The following EPB41L1 variants were observed in gnomAD, a reference collection of about 807,000 sequenced individuals.
The protein encoded by EPB41L1 is erythrocyte membrane protein band 4.1 like 1, also known as band 4.1-like protein 1.
Under a neutral mutation model 97.8 loss-of-function variants are expected in EPB41L1, and 29 were observed. That is an observed-to-expected ratio of 0.30 (90% CI 0.22 to 0.40). EPB41L1 has a LOEUF of 0.40. Among genes scored for constraint, EPB41L1 ranks in the 10% least tolerant of loss-of-function variants. The probability of loss-of-function intolerance (pLI) is 1.00; values close to 1 mark genes in which losing one functional copy is unlikely to be tolerated. For synonymous variants in EPB41L1, 383 were observed against 459.2 expected (o/e 0.83, Z 2.12); for missense variants, 812 against 1,162.3 (o/e 0.70, Z 4.38).
chr20:36,212,532 C>G lies in EPB41L1; in HGVS notation c.2184+156C>G, dbSNP rs1353635732. Among the ~76,000 whole-genome samples, 1 of 152,212 alleles carries G rather than the reference C, an allele frequency of 6.6e-6. No homozygotes were observed. Among genetic ancestry groups the G allele is most frequent in the East Asian group, 1.9e-4 (1 of 5,198 alleles). ...TGATGCTCTCCTGTGCCTCAGTGTC[C>G]TCTCTGAGCTCTGGGGAGGGGCAAC... On this transcript the variant is annotated intron_variant, in intron 16 of 21. Coordinates refer to ENST00000338074, the MANE Select transcript of EPB41L1 (RefSeq NM_012156.2). This position sits in a 1 kb window ranked among gnomAD's most constrained non-coding sequence, Gnocchi z 4.8.
At chr20:36,140,301 C>T (rs973035797) in intron 2 of EPB41L1, among the ~76,000 whole-genome samples, 3 of 150,500 alleles carry the variant, frequency 2.0e-5, no homozygotes, top group African/African-American at 4.9e-5. Flanking sequence ...GAACTCCTGG[C>T]CTCAAGTGAT....
intron 2 of EPB41L1, among the ~76,000 whole-genome samples, chr20:36,116,963 A>G (rs919075890): frequency 1.3e-5 from 2 of 152,138 alleles, no homozygotes; most frequent in African/African-American, 2.4e-5. Context: ...GGGTTTTATT[A>G]CCCCATTTTG....
At chr20:36,191,903 T>A (rs746618158) in intron 11 of EPB41L1, among the ~76,000 whole-genome samples, 2 of 152,202 alleles carry the variant, frequency 1.3e-5, no homozygotes, top group African/African-American at 4.8e-5. Flanking sequence ...ATCATTATTG[T>A]TTTTAGGTTT....
At chr20:36,223,367 C>G (rs1569381753) in intron 21 of EPB41L1, among the ~76,000 whole-genome samples, 1 of 152,138 alleles carries the variant, frequency 6.6e-6, no homozygotes, top group Non-Finnish European at 1.5e-5. Flanking sequence ...CCTGCAGGAG[C>G]CAAAATCTTA....
intron 1 of EPB41L1, among the ~76,000 whole-genome samples, chr20:36,096,077 A>G (rs1418036056): frequency 6.6e-6 from 1 of 152,048 alleles, no homozygotes; most frequent in Non-Finnish European, 1.5e-5. Context: ...CGCCAGACCT[A>G]GGAATTGATA....
intron 1 of EPB41L1, among the ~76,000 whole-genome samples, chr20:36,156,389 A>G (rs1169888264): frequency 6.6e-6 from 1 of 152,208 alleles, no homozygotes; most frequent in Non-Finnish European, 1.5e-5. Flanking sequence ...AGCTTCTTCC[A>G]TAGAATCCTG....
At chr20:36,201,363 G>A (rs1244178573) in intron 14 of EPB41L1, among the ~76,000 whole-genome samples, 1 of 152,040 alleles carries the variant, frequency 6.6e-6, no homozygotes, top group Non-Finnish European at 1.5e-5. Context: ...CATGCTAGAG[G>A]CAGGCTCTGA....
Position 36,194,260 on chromosome 20 carries a change from CTGACGG to C in EPB41L1, c.1354_1359del (p.Gly452_Asp453del). 1 of 1,614,202 alleles carries C rather than the reference CTGACGG, an allele frequency of 6.2e-7. No homozygotes were observed. Among genetic ancestry groups the C allele is most frequent in the Non-Finnish European group, 8.5e-7 (1 of 1,180,048 alleles). Reference sequence around the variant, plus strand: ...GTCAGCGAGAACCATGATGCAGGGCCTGACGGTGACAAGCGGGATGAGGATGGCGAG... The same window carrying C: ...GTCAGCGAGAACCATGATGCAGGGCCTGACAAGCGGGATGAGGATGGCGAG... On this transcript the variant is annotated inframe_deletion, in exon 12 of 22. Transcript: ENST00000338074.
chr20:36,179,966 A>C (rs187498117), intron 5 of EPB41L1, among the ~76,000 whole-genome samples: 11 of 152,202 alleles, frequency 7.2e-5, no homozygotes, highest in Admixed American at 2.6e-4. Context: ...ATCGGAAAAC[A>C]TATAGGCAGC....
chr20:36,190,493 T>C lies in EPB41L1; in HGVS notation c.1124+119T>C, dbSNP rs1286571086. ...GTCCTCCACCCTTTCCCCAAGTCCCTCCCTTCCTGGACCACTTTGAATTGT... is the reference window on the plus strand; with the variant it reads ...GTCCTCCACCCTTTCCCCAAGTCCCCCCCTTCCTGGACCACTTTGAATTGT... On this transcript the variant is annotated intron_variant, in intron 10 of 21. Coordinates refer to ENST00000338074, the MANE Select transcript of EPB41L1 (RefSeq NM_012156.2). This position sits in a 1 kb window ranked among gnomAD's most constrained non-coding sequence, Gnocchi z 5.8. The C allele has an allele frequency of 6.5e-7, 1 of 1,532,126 alleles. No individual in the cohort carries two copies. Among genetic ancestry groups the C allele is most frequent in the Non-Finnish European group, 8.9e-7 (1 of 1,117,518 alleles). The allele number at this position is 1,532,126 out of a possible 1,614,324, so 94.9% of individuals were successfully genotyped here.
At chr20:36,178,173 C>A in intron 4 of EPB41L1, 117 bp downstream of exon 4, 2 of 811,394 alleles carry the variant, frequency 2.5e-6, no homozygotes. Flanking sequence ...GTTTGCGTGT[C>A]CCCAAGGCTC....
Position 36,093,514 on chromosome 20 carries a change from G to C in EPB41L1, c.-65+1902G>C, listed in dbSNP as rs940488136. ...TGGGAGCTGGGCACCTGGCCTGGGC[G>C]GTGGGTGGCGGCGGCGGGGGTGTCC... On this transcript the variant is annotated intron_variant, in intron 1 of 19. Transcript: ENST00000202028. This position sits in a 1 kb window ranked among gnomAD's most constrained non-coding sequence, Gnocchi z 5.4. Among the ~76,000 whole-genome samples the C allele has an allele frequency of 6.6e-6, 1 of 152,078 alleles. No homozygotes were observed. Among genetic ancestry groups the C allele is most frequent in the Non-Finnish European group, 1.5e-5 (1 of 67,970 alleles).
chr20:36,140,865 C>G (rs1228447096), intron 2 of EPB41L1, among the ~76,000 whole-genome samples: 1 of 152,132 alleles, frequency 6.6e-6, no homozygotes, highest in Non-Finnish European at 1.5e-5. Context: ...GAGACAGGCC[C>G]AAGATGGAAG....
intron 14 of EPB41L1, among the ~76,000 whole-genome samples, chr20:36,203,950 C>T (rs2062648156): frequency 6.6e-6 from 1 of 152,178 alleles, no homozygotes; most frequent in African/African-American, 2.4e-5. Flanking sequence ...GTGGGATTAA[C>T]AGACTCCTCA....
chr20:36,096,573 A>T (rs1285033696), intron 1 of EPB41L1, among the ~76,000 whole-genome samples: 1 of 152,076 alleles, frequency 6.6e-6, no homozygotes, highest in African/African-American at 2.4e-5. Flanking sequence ...CCTGCTTCTT[A>T]TCTTGATTAA....
In EPB41L1 at chr20:36,222,265, T is replaced by C; in HGVS notation, c.2521-13T>C. The C allele has an allele frequency of 6.2e-7, 1 of 1,607,860 alleles. No individual in the cohort carries two copies. On this transcript the variant is annotated splice_polypyrimidine_tract_variant and intron_variant, in intron 20 of 21. Coordinates refer to ENST00000338074, the MANE Select transcript of EPB41L1 (RefSeq NM_012156.2). Reference sequence around the variant, plus strand: ...AGTTCATGGTTCCTTCCTTTGCTGTTCTTTACCACCAGGCCCTGGCTTTGG... The same window carrying C: ...AGTTCATGGTTCCTTCCTTTGCTGTCCTTTACCACCAGGCCCTGGCTTTGG...
At position 36,232,726 on chromosome 20, in the gene EPB41L1, G is replaced by A. The variant is rs556989700; in HGVS notation, c.*3386G>A. On this transcript the variant is annotated 3_prime_UTR_variant, in exon 22 of 22. Transcript: ENST00000338074. ...CCATGCTCCCCCACCTCAGTGCTCC[G>A]TGCTGTATGCGTGTGCTCTCTGTTC... 13 of 398,756 alleles carry A rather than the reference G, an allele frequency of 3.3e-5. No individual in the cohort carries two copies. Among genetic ancestry groups the A allele is most frequent in the East Asian group, 1.4e-4 (4 of 28,060 alleles). The allele number at this position is 398,756 out of a possible 1,614,324, so 24.7% of individuals were successfully genotyped here.
Position 36,175,587 on chromosome 20 carries a change from G to T in EPB41L1, c.214G>T (p.Asp72Tyr). ...DMEEKDYSEA[D>Y]GLSERTTPSK... ...GGAGGAGAAGGACTACAGTGAGGCC[G>T]ATGGCCTTTCGGAGAGGACCACGCC... is the stretch of plus-strand genomic sequence containing the variant. Residue 72 changes from aspartate (D) to tyrosine (Y), a missense_variant, in exon 3 of 22, where the codon GAT (aspartate) becomes TAT (tyrosine). Physicochemically the swap from Asp to Tyr is radical, Grantham distance 160. Coordinates refer to ENST00000338074, the MANE Select transcript of EPB41L1 (RefSeq NM_012156.2). The T allele has an allele frequency of 6.2e-7, 1 of 1,614,184 alleles. No homozygotes were observed. Among genetic ancestry groups the T allele is most frequent in the East Asian group, 2.2e-5 (1 of 44,874 alleles).
chr20:36,144,103 TC>T (rs1378641483), intron 2 of EPB41L1, among the ~76,000 whole-genome samples: 1 of 152,156 alleles, frequency 6.6e-6, no homozygotes, highest in Non-Finnish European at 1.5e-5. Flanking sequence ...TCTGCCCGCC[TC>T]GGCCTCCCAG....
Sources: allele counts gnomAD v4.1 joint callset (sites outside exome capture counted in the v4.1 genomes callset), GRCh38; gene constraint gnomAD v4.1.1; non-coding constraint Gnocchi (gnomAD v3.1); transcripts MANE v1.5; gene names NCBI Gene and HGNC (gene_info 2026-07-23, HGNC 2026-07-21).